The following SYT16 variants were observed in gnomAD, a reference collection of about 807,000 sequenced individuals.
The protein encoded by SYT16 is synaptotagmin-16.
Under a neutral mutation model 61.4 loss-of-function variants are expected in SYT16, and 42 were observed. The ratio of observed to expected loss-of-function variants is 0.68; its 90% CI spans 0.53 to 0.89. SYT16 has a LOEUF of 0.89. SYT16 is among the 40% of genes least tolerant of loss of function. The pLI is 0.00. For missense variants in SYT16, 804 were observed against 807.3 expected (o/e 1.00, Z 0.05); for synonymous variants, 314 against 302.3 (o/e 1.04, Z -0.40).
At chr14:61,990,029 C>G (rs887948219) in intron 2 of SYT16, among the ~76,000 whole-genome samples, 1 of 152,084 alleles carries the variant, frequency 6.6e-6, no homozygotes, top group African/African-American at 2.4e-5. Flanking sequence ...ACATTTTGGA[C>G]AAATGCTGTA....
intron 1 of SYT16, among the ~76,000 whole-genome samples, chr14:61,868,459 T>C (rs1419898443): frequency 1.3e-5 from 2 of 151,966 alleles, no homozygotes; most frequent in Non-Finnish European, 2.9e-5. Flanking sequence ...ATTTTTATAA[T>C]ATAAGCACTA....
At chr14:61,977,178 A>C (rs1193712138) in intron 2 of SYT16, among the ~76,000 whole-genome samples, 1 of 152,000 alleles carries the variant, frequency 6.6e-6, no homozygotes, top group Non-Finnish European at 1.5e-5. Flanking sequence ...GAAGCTCCAA[A>C]TTTTCTCACA....
At chr14:62,035,227 T>C (rs1281690809) in intron 3 of SYT16, among the ~76,000 whole-genome samples, 2 of 152,326 alleles carry the variant, frequency 1.3e-5, no homozygotes, top group Non-Finnish European at 2.9e-5. Flanking sequence ...TGACCAGTTT[T>C]AGCATATATT....
intron 3 of SYT16, among the ~76,000 whole-genome samples, chr14:62,045,854 G>A (rs976385381): frequency 1.3e-5 from 2 of 152,086 alleles, no homozygotes; most frequent in African/African-American, 2.4e-5. Flanking sequence ...GTCTATCATT[G>A]TTGGACATTT....
intron 2 of SYT16, among the ~76,000 whole-genome samples, chr14:61,971,801 A>G (rs1169132841): frequency 2.6e-5 from 4 of 152,206 alleles, no homozygotes; most frequent in African/African-American, 9.6e-5. Context: ...TGAACTTCCC[A>G]TGGGACATAT....
In SYT16 at chr14:62,103,927, TC is replaced by T. The variant is rs1396556913; in HGVS notation, c.*3222del. 6.6e-6 allele frequency: 1 copy of T among 152,224 alleles called. No individual in the cohort carries two copies. The highest frequency in any genetic ancestry group is 2.4e-5 in the African/African-American group (1 of 41,464). 9.4% of individuals were successfully genotyped at this position (152,224 alleles called of 1,614,324 possible). ...CATCAAATGTCAATATTCTCCATAG[TC>T]CTAGGTGCCAGTGAGCCTGAAACAC... On this transcript the variant is annotated 3_prime_UTR_variant, in exon 8 of 8. Coordinates refer to ENST00000683842, the MANE Select transcript of SYT16 (RefSeq NM_001367656.1).
rs575891770 is a variant in SYT16 at position 61,996,300 on chromosome 14, G to A, written c.281G>A (p.Cys94Tyr). 10 of 1,613,526 alleles carry A rather than the reference G, an allele frequency of 6.2e-6. No individual in the cohort carries two copies. In the African/African-American group the frequency reaches 1.1e-4, roughly 17 times the overall value. ...CTTGAAGTGGATCATTTCTCATGTT[G>A]TAATAGTGATTTGCAGGACTCTGCC... ...LFLEVDHFSCCNSDLQDSAQN... is the reference protein window; with the variant it reads ...LFLEVDHFSCYNSDLQDSAQN... The change falls in exon 3 of 8, where the codon TGT becomes TAT. Residue 94 changes from cysteine (C) to tyrosine (Y), a missense_variant. Transcript: ENST00000683842.
intron 3 of SYT16, among the ~76,000 whole-genome samples, chr14:62,059,910 G>GA (rs2055752719): frequency 6.6e-6 from 1 of 151,790 alleles, no homozygotes; most frequent in Admixed American, 6.6e-5. Flanking sequence ...GCACTGTTGT[G>GA]AAAAAATAAT....
intron 1 of SYT16, among the ~76,000 whole-genome samples, chr14:61,910,233 TGTTTTGTTTTG>T (rs1161794323): frequency 6.0e-4 from 1 of 1,664 alleles, no homozygotes; most frequent in Non-Finnish European, 9.2e-4. Context: ...CTCCTTTTTT[TGTTTTGTTTTG>T]TTTTGTTTTT....
intron 1 of SYT16, among the ~76,000 whole-genome samples, chr14:61,959,505 A>G (rs758127854): frequency 6.6e-5 from 10 of 152,182 alleles, no homozygotes; most frequent in Non-Finnish European, 1.3e-4. Flanking sequence ...AATCACATAC[A>G]CAAGTTCTGC....
intron 1 of SYT16, among the ~76,000 whole-genome samples, chr14:61,902,833 TC>T (rs1338291663): frequency 2.0e-5 from 3 of 152,292 alleles, no homozygotes; most frequent in African/African-American, 7.2e-5. Context: ...GCAATTGGTT[TC>T]CCCTTACAAA....
At chr14:62,048,005 A>G (rs899226329) in intron 3 of SYT16, among the ~76,000 whole-genome samples, 3 of 152,202 alleles carry the variant, frequency 2.0e-5, no homozygotes, top group Non-Finnish European at 4.4e-5. Flanking sequence ...TGAGTTAGGG[A>G]GGATTCCCTC....
In SYT16 at chr14:62,097,040, A is replaced by G. The variant is rs79652376; in HGVS notation, c.1625-3354A>G. ...CAAGGCTCAGCTCAGCAATTCGTAG[A>G]AAATTATGCTGTAAATGGGTAGGTA... is the stretch of plus-strand genomic sequence containing the variant. On this transcript the variant is annotated intron_variant, in intron 7 of 7. Transcript: ENST00000683842. Among the ~76,000 whole-genome samples, 1,280 of 152,282 alleles carry G rather than the reference A, an allele frequency of 8.4e-3. 12 individuals carry two copies. The highest frequency in any genetic ancestry group is 0.069 in the East Asian group (356 of 5,182).
rs569073890 is a variant in SYT16, at chr14:61,838,340, G to A, written c.-325+25530G>A. On this transcript the variant is annotated intron_variant, in intron 1 of 7. Transcript: ENST00000683842. ...GGGCCCAGTCCACTCCCCACAGTTG[G>A]CTCCGTCATGACCACTGCACATTCC... Among the ~76,000 whole-genome samples the A allele has an allele frequency of 2.6e-5, 4 of 152,216 alleles. No homozygotes were observed. In the East Asian group the frequency reaches 7.7e-4, roughly 29 times the overall value.
In SYT16 at chr14:62,081,055, C is replaced by G; in HGVS notation, c.1215C>G (p.Asn405Lys). 2 of 1,613,662 alleles carry G rather than the reference C, an allele frequency of 1.2e-6. No individual in the cohort carries two copies. Among genetic ancestry groups the G allele is most frequent in the Non-Finnish European group, 1.7e-6 (2 of 1,179,740 alleles). Residue 405 changes from asparagine (N) to lysine (K), a missense_variant, in exon 6 of 8, where the codon AAC (asparagine) becomes AAG (lysine). Coordinates refer to ENST00000683842, the MANE Select transcript of SYT16 (RefSeq NM_001367656.1). ...LPGKKHRGRT[N>K]IQRGPNPVFR... Reference sequence around the variant, plus strand: ...GTAAGAAACACAGGGGCAGGACGAACATACAGAGAGGGCCCAACCCCGTCT... The same window carrying G: ...GTAAGAAACACAGGGGCAGGACGAAGATACAGAGAGGGCCCAACCCCGTCT...
chr14:62,042,695 G>A (rs919274072), intron 3 of SYT16, among the ~76,000 whole-genome samples: 7 of 152,144 alleles, frequency 4.6e-5, no homozygotes, highest in African/African-American at 1.7e-4. Flanking sequence ...CTCAAATACT[G>A]TATATCTCTG....
At chr14:61,859,022 T>G (rs1297074399) in intron 1 of SYT16, among the ~76,000 whole-genome samples, 3 of 98,048 alleles carry the variant, frequency 3.1e-5, no homozygotes, top group South Asian at 5.4e-4. Context: ...GCCCGGCTAA[T>G]TTTTTTTTTT....
chr14:62,027,658 C>A (rs2054153250), intron 3 of SYT16, among the ~76,000 whole-genome samples: 1 of 152,154 alleles, frequency 6.6e-6, no homozygotes, highest in South Asian at 2.1e-4. Flanking sequence ...TGATCACTAT[C>A]CTTTGGTTCC....
In SYT16 at chr14:62,041,887, TC is replaced by T. The variant is rs374511051; in HGVS notation, c.524-27715del. Among the ~76,000 whole-genome samples the T allele has an allele frequency of 2.4e-4, 36 of 152,302 alleles. No individual in the cohort carries two copies. The East Asian group carries it at 3.9e-3, about 16-fold the overall frequency. Reference sequence around the variant, plus strand: ...ATGGTCTCTATTGCTGTTTTCAAGCTCACTAGTCTTTTATTCTGCATTGCCC... The same window carrying T: ...ATGGTCTCTATTGCTGTTTTCAAGCTACTAGTCTTTTATTCTGCATTGCCC... On this transcript the variant is annotated intron_variant, in intron 3 of 7. Coordinates refer to ENST00000683842, the MANE Select transcript of SYT16 (RefSeq NM_001367656.1).
Sources: allele counts gnomAD v4.1 joint callset (sites outside exome capture counted in the v4.1 genomes callset), GRCh38; gene constraint gnomAD v4.1.1; transcripts MANE v1.5; gene names NCBI Gene and HGNC (gene_info 2026-07-23, HGNC 2026-07-21).